The following ADGRB3 variants were observed in gnomAD, a reference collection of about 807,000 sequenced individuals.
ADGRB3 encodes the protein adhesion G protein-coupled receptor B3.
In ADGRB3, 37 loss-of-function variants were observed where a neutral mutation model predicts 193.4. The ratio of observed to expected loss-of-function variants is 0.19; its 90% confidence interval spans 0.15 to 0.25. The LOEUF (loss-of-function observed/expected upper bound fraction) is 0.25, where lower values mean the gene tolerates loss of function less well. ADGRB3 is among the 10% of genes least tolerant of loss of function. The probability of loss-of-function intolerance (pLI) is 1.00; values close to 1 mark genes in which losing one functional copy is unlikely to be tolerated. For missense variants in ADGRB3, 1,637 were observed against 1,852.9 expected (o/e 0.88, Z 2.14); for synonymous variants, 690 against 644.2 (o/e 1.07, Z -1.08).
chr6:68,723,472 C>G (rs1765620065), intron 3 of ADGRB3, among the ~76,000 whole-genome samples: 1 of 151,680 alleles, frequency 6.6e-6, no homozygotes, highest in African/African-American at 2.4e-5. Context: ...CCCACTTGCA[C>G]TAAGAGTCTA....
intron 3 of ADGRB3, among the ~76,000 whole-genome samples, chr6:68,851,048 T>C (rs926625671): frequency 6.6e-6 from 1 of 151,982 alleles, no homozygotes; most frequent in African/African-American, 2.4e-5. Context: ...TTACTTTTCT[T>C]CCATTTTGGA....
intron 17 of ADGRB3, among the ~76,000 whole-genome samples, chr6:69,117,337 T>C (rs568809668): frequency 5.9e-5 from 9 of 152,222 alleles, no homozygotes; most frequent in Non-Finnish European, 1.2e-4. Flanking sequence ...TTCTCAACAG[T>C]AGGTGGATTG....
At chr6:69,015,815 A>G (rs1417918915) in intron 12 of ADGRB3, among the ~76,000 whole-genome samples, 8 of 151,898 alleles carry the variant, frequency 5.3e-5, no homozygotes, top group Admixed American at 1.3e-4. Context: ...TAGATAAAGC[A>G]TCCTACTAAA....
chr6:68,654,811 A>C (rs1398807108), intron 3 of ADGRB3, among the ~76,000 whole-genome samples: 1 of 151,918 alleles, frequency 6.6e-6, no homozygotes. Flanking sequence ...CTGCAAAGGA[A>C]GCTTTAAATT....
At chr6:68,987,161 A>T (rs1034589883) in intron 10 of ADGRB3, among the ~76,000 whole-genome samples, 4 of 152,194 alleles carry the variant, frequency 2.6e-5, no homozygotes, top group African/African-American at 9.6e-5. Context: ...ATCACTGATA[A>T]TTATAATTTT....
At chr6:69,227,924 C>A (rs567991614) in intron 17 of ADGRB3, among the ~76,000 whole-genome samples, 1 of 152,316 alleles carries the variant, frequency 6.6e-6, no homozygotes, top group African/African-American at 2.4e-5. Context: ...CTGTCTAGAT[C>A]AAACTCAGTA....
chr6:68,675,303 A>C (rs1049725391), intron 3 of ADGRB3, among the ~76,000 whole-genome samples: 2 of 152,202 alleles, frequency 1.3e-5, no homozygotes, highest in Non-Finnish European at 2.9e-5. Flanking sequence ...TTGATAAATT[A>C]CTGCTACAAA....
At chr6:68,777,669 A>T (rs1313145236) in intron 3 of ADGRB3, among the ~76,000 whole-genome samples, 1 of 96,446 alleles carries the variant, frequency 1.0e-5, no homozygotes, top group Non-Finnish European at 2.0e-5. Flanking sequence ...TCTGGGATCT[A>T]AAAAAAAAAA....
chr6:68,692,320 G>A (rs565237207), intron 3 of ADGRB3, among the ~76,000 whole-genome samples: 3 of 151,686 alleles, frequency 2.0e-5, no homozygotes, highest in African/African-American at 4.8e-5. Flanking sequence ...AGTTAATTTC[G>A]TGTTTAAAGC....
chr6:68,940,807 A>G lies in ADGRB3; in HGVS notation c.1031-3023A>G, dbSNP rs1037237912. On this transcript the variant is annotated intron_variant, in intron 5 of 31. Transcript: ENST00000370598. ...GTCAGGAGGCTGAGGCACGAGAATC[A>G]CTTGAACCTGAGAGGCAGAGATTGC... 1.3e-3 allele frequency among the ~76,000 whole-genome samples: 198 copies of G among 152,120 alleles called. No homozygotes were observed. In the Middle Eastern group the frequency reaches 0.014, roughly 10 times the overall value.
chr6:69,080,409 T>C (rs1772353516), intron 17 of ADGRB3, among the ~76,000 whole-genome samples: 1 of 152,048 alleles, frequency 6.6e-6, no homozygotes, highest in Admixed American at 6.6e-5. Context: ...TATGGCTCTG[T>C]TCAAACTGGG....
intron 3 of ADGRB3, among the ~76,000 whole-genome samples, chr6:68,654,574 A>G (rs1768448466): frequency 6.6e-6 from 1 of 151,902 alleles, no homozygotes; most frequent in Non-Finnish European, 1.5e-5. Flanking sequence ...ACCTTTGTAT[A>G]TCTGATCTGT....
chr6:69,008,619 G>A (rs1769842433), intron 11 of ADGRB3, among the ~76,000 whole-genome samples: 2 of 152,146 alleles, frequency 1.3e-5, no homozygotes, highest in South Asian at 2.1e-4. Context: ...AGCAGGGTAA[G>A]GGTAGTGATG....
chr6:69,332,395 C>T, intron 23 of ADGRB3: 3 of 985,322 alleles, frequency 3.0e-6, no homozygotes, highest in Non-Finnish European at 3.6e-6. Flanking sequence ...CTTAGAAAAG[C>T]ATGGTACATC....
At chr6:69,243,162 T>C (rs1321521329) in intron 20 of ADGRB3, among the ~76,000 whole-genome samples, 4 of 151,806 alleles carry the variant, frequency 2.6e-5, no homozygotes, top group African/African-American at 9.7e-5. Flanking sequence ...ACCCAAGAAG[T>C]TCAAAGTGGT....
At chr6:69,038,524 G>A (rs1210208040) in intron 13 of ADGRB3, among the ~76,000 whole-genome samples, 3 of 152,112 alleles carry the variant, frequency 2.0e-5, no homozygotes, top group Non-Finnish European at 2.9e-5. Flanking sequence ...TTAATCTTCA[G>A]AGAAACATAC....
At chr6:68,832,403 T>A (rs1483283097) in intron 3 of ADGRB3, among the ~76,000 whole-genome samples, 2 of 152,158 alleles carry the variant, frequency 1.3e-5, no homozygotes, top group Non-Finnish European at 2.9e-5. Context: ...TTTCACCTCC[T>A]CGACTAGACT....
At chr6:68,815,155 G>A (rs1205267250) in intron 3 of ADGRB3, among the ~76,000 whole-genome samples, 2 of 152,174 alleles carry the variant, frequency 1.3e-5, no homozygotes, top group South Asian at 4.1e-4. Context: ...AGGCAGGAAT[G>A]CTTTGTTTCA....
intron 13 of ADGRB3, among the ~76,000 whole-genome samples, chr6:69,036,327 A>T (rs765433416): frequency 6.6e-6 from 1 of 152,214 alleles, no homozygotes; most frequent in Non-Finnish European, 1.5e-5. Context: ...AACAGCAATT[A>T]AATGACTTGC....
Sources: gnomAD v4.1 joint callset for allele counts (sites outside exome capture counted in the v4.1 genomes callset) on GRCh38, gnomAD v4.1.1 for gene constraint, MANE v1.5 for transcripts, NCBI Gene and HGNC (gene_info 2026-07-23, HGNC 2026-07-21) for gene names.